Variants in CYP2C19 observed in about 807,000 individuals in gnomAD.
CYP2C19 encodes cytochrome P450 family 2 subfamily C member 19, also known as cytochrome P450 2C19.
Under a neutral mutation model 40.9 loss-of-function variants are expected in CYP2C19, and 59 were observed. The ratio of observed to expected loss-of-function variants is 1.44; its 90% confidence interval spans 1.17 to 1.79. The LOEUF is 1.79. CYP2C19 is among the 40% of genes most tolerant of loss of function. The pLI, the probability that CYP2C19 is intolerant of heterozygous loss-of-function variation, is 0.00. For missense variants in CYP2C19, 754 were observed against 596.9 expected (o/e 1.26, Z -2.74); for synonymous variants, 253 against 208.7 (o/e 1.21, Z -1.83).
intron 5 of CYP2C19, among the ~76,000 whole-genome samples, chr10:94,816,492 T>C (rs1223286908): frequency 6.6e-6 from 1 of 152,116 alleles, no homozygotes; most frequent in Non-Finnish European, 1.5e-5. Flanking sequence ...TCCATGCTGT[T>C]TTAAATTCTC....
At chr10:94,836,744 C>A (rs1297015866) in intron 6 of CYP2C19, among the ~76,000 whole-genome samples, 1 of 152,188 alleles carries the variant, frequency 6.6e-6, no homozygotes, top group Non-Finnish European at 1.5e-5. Context: ...CTGCTGTGAG[C>A]AGAGCTGAGC....
intron 6 of CYP2C19, among the ~76,000 whole-genome samples, chr10:94,838,718 C>T (rs995597751): frequency 6.6e-6 from 1 of 152,062 alleles, no homozygotes; most frequent in Non-Finnish European, 1.5e-5. Flanking sequence ...AGACTGAGGG[C>T]TTCCTGTAGG....
chr10:94,845,224 T>A (rs1429168659), intron 7 of CYP2C19, among the ~76,000 whole-genome samples: 1 of 152,142 alleles, frequency 6.6e-6, no homozygotes, highest in African/African-American at 2.4e-5. Flanking sequence ...ATTTTAGACT[T>A]TTTAGGCCAT....
At chr10:94,772,906 C>T (rs768071245) in intron 1 of CYP2C19, among the ~76,000 whole-genome samples, 102 of 152,270 alleles carry the variant, frequency 6.7e-4, no homozygotes, top group Non-Finnish European at 1.1e-3. Context: ...CTCAGCCTCC[C>T]GAGTAGCTGG....
chr10:94,808,813 C>G (rs550971685), intron 5 of CYP2C19, among the ~76,000 whole-genome samples: 2 of 152,116 alleles, frequency 1.3e-5, no homozygotes, highest in Admixed American at 1.3e-4. Flanking sequence ...ATATGTACCA[C>G]GTTTTCTTTA....
At chr10:94,788,981 T>G (rs2134244529) in intron 5 of CYP2C19, among the ~76,000 whole-genome samples, 1 of 152,194 alleles carries the variant, frequency 6.6e-6, no homozygotes, top group Admixed American at 6.5e-5. Flanking sequence ...AAAAATATTC[T>G]ATTTCTCCAT....
rs538210849 is a variant in CYP2C19 at position 94,762,969 on chromosome 10, T to C, written c.168+96T>C. The stretch of plus-strand genomic sequence containing the variant: ...CCTAGAGGTACAATGTTACAAGAGA[T>C]CATTGTAAAGTAAAATACTTTGAAA... On this transcript the variant is annotated intron_variant, in intron 1 of 8. Transcript: ENST00000371321. 1.8e-3 allele frequency: 2,339 copies of C among 1,304,314 alleles called. 3 individuals are homozygous for C. Among genetic ancestry groups the C allele is most frequent in the Non-Finnish European group, 2.2e-3 (1,963 of 908,880 alleles). 80.8% of individuals were successfully genotyped at this position (1,304,314 alleles called of 1,614,324 possible).
At chr10:94,808,901 G>T (rs1392977749) in intron 5 of CYP2C19, among the ~76,000 whole-genome samples, 5 of 152,164 alleles carry the variant, frequency 3.3e-5, no homozygotes, top group Non-Finnish European at 7.4e-5. Flanking sequence ...AAACATGGGA[G>T]TGTAGATATC....
chr10:94,795,647 A>G (rs572105435), intron 5 of CYP2C19, among the ~76,000 whole-genome samples: 3 of 152,266 alleles, frequency 2.0e-5, no homozygotes, highest in East Asian at 3.9e-4. Flanking sequence ...CTATTTCTCC[A>G]TATCCTCTCC....
intron 6 of CYP2C19, among the ~76,000 whole-genome samples, chr10:94,825,433 T>G (rs1382708797): frequency 6.6e-6 from 1 of 150,780 alleles, no homozygotes; most frequent in Admixed American, 6.6e-5. Flanking sequence ...TTTCATGTGT[T>G]TTTTGACTGC....
intron 5 of CYP2C19, among the ~76,000 whole-genome samples, chr10:94,784,667 G>T (rs1036912154): frequency 3.3e-5 from 5 of 151,958 alleles, no homozygotes; most frequent in African/African-American, 1.2e-4. Flanking sequence ...CTAGGCTCGA[G>T]TGCAGTAGCA....
intron 5 of CYP2C19, among the ~76,000 whole-genome samples, chr10:94,785,658 A>C (rs749020249): frequency 2.6e-5 from 4 of 152,164 alleles, no homozygotes; most frequent in Non-Finnish European, 5.9e-5. Context: ...GGGAATTCTC[A>C]GTAAGGTTTT....
chr10:94,772,439 A>T (rs1008026816), intron 1 of CYP2C19, among the ~76,000 whole-genome samples: 1 of 152,132 alleles, frequency 6.6e-6, no homozygotes, highest in African/African-American at 2.4e-5. Context: ...TAGAAGCGGG[A>T]CTAGCCTTGG....
chr10:94,817,746 G>A (rs1849031054), intron 5 of CYP2C19, among the ~76,000 whole-genome samples: 1 of 152,008 alleles, frequency 6.6e-6, no homozygotes, highest in African/African-American at 2.4e-5. Context: ...GGGTGCGGTG[G>A]CTCACACCTG....
At chr10:94,830,028 G>A (rs532500626) in intron 6 of CYP2C19, among the ~76,000 whole-genome samples, 1,843 of 152,288 alleles carry the variant, frequency 0.012, 55 homozygotes, top group African/African-American at 0.042. Context: ...ATCTCCAGCT[G>A]CATGCTGGGA....
intron 5 of CYP2C19, among the ~76,000 whole-genome samples, chr10:94,819,019 C>G (rs1589366465): frequency 6.7e-6 from 1 of 149,482 alleles, no homozygotes; most frequent in South Asian, 2.1e-4. Context: ...TGTAAAAGAA[C>G]AGAAATTATA....
chr10:94,841,247 A>G (rs1337699498), intron 6 of CYP2C19, among the ~76,000 whole-genome samples: 1 of 152,200 alleles, frequency 6.6e-6, no homozygotes, highest in Non-Finnish European at 1.5e-5. Context: ...GTTGATTAGG[A>G]CAAACCCAGG....
In CYP2C19 at chr10:94,809,602, T is replaced by C. The variant is rs532691122; in HGVS notation, c.820-10894T>C. 2.6e-5 allele frequency among the ~76,000 whole-genome samples: 4 copies of C among 151,964 alleles called. No individual in the cohort carries two copies. The South Asian group carries it at 6.2e-4, about 24-fold the overall frequency. The stretch of plus-strand genomic sequence containing the variant: ...GCCCTGGTCAGAACTTCCAATATTA[T>C]GTTAAATAGAAGTGGTGAGAGAGGG... On this transcript the variant is annotated intron_variant, in intron 5 of 8. Coordinates refer to ENST00000371321, the MANE Select transcript of CYP2C19 (RefSeq NM_000769.4).
At chr10:94,765,142 A>G (rs1465540013) in intron 1 of CYP2C19, among the ~76,000 whole-genome samples, 1 of 152,062 alleles carries the variant, frequency 6.6e-6, no homozygotes, top group East Asian at 1.9e-4. Flanking sequence ...AAATTCTTTG[A>G]GAGTGTGTGG....
Sources: gnomAD v4.1 joint callset for allele counts (sites outside exome capture counted in the v4.1 genomes callset) on GRCh38, gnomAD v4.1.1 for gene constraint, MANE v1.5 for transcripts, NCBI Gene and HGNC (gene_info 2026-07-23, HGNC 2026-07-21) for gene names.